The following RLN3 variants were observed in gnomAD, a reference collection of about 807,000 sequenced individuals.
RLN3 encodes relaxin 3, also known as relaxin-3.
RLN3 carries 13 observed loss-of-function variants against 10.2 expected under a neutral mutation model. The ratio of observed to expected loss-of-function variants is 1.28; its 90% CI spans 0.83 to 2.03. The LOEUF (loss-of-function observed/expected upper bound fraction) is 2.03, where lower values mean the gene tolerates loss of function less well. Among genes scored for constraint, RLN3 ranks in the 30% most tolerant of loss-of-function variants. The pLI, the probability that RLN3 is intolerant of heterozygous loss-of-function variation, is 0.00. For synonymous variants in RLN3, 56 were observed against 79.2 expected (o/e 0.71, Z 1.56); for missense variants, 191 against 187.2 (o/e 1.02, Z -0.12).
rs756438243 is a variant in RLN3, at chr19:14,028,280, C to T, written c.76C>T (p.Arg26Trp). Residue 26 changes from arginine to tryptophan, a missense_variant, in exon 1 of 2, where the codon CGG (arginine) becomes TGG (tryptophan). Arg to Trp is a moderately radical substitution (Grantham distance 101). Coordinates refer to ENST00000431365, the MANE Select transcript of RLN3 (RefSeq NM_080864.4). ...GGAGCTGTGGCCGGGAGCTGAGGCC[C>T]GGGCAGCGCCTTACGGGGTCAGGCT... ...TGELWPGAEA[R>W]AAPYGVRLCG... The T allele has an allele frequency of 6.8e-6, 11 of 1,613,542 alleles. No individual in the cohort carries two copies. The highest frequency in any genetic ancestry group is 8.5e-6 in the Non-Finnish European group (10 of 1,179,922).
chr19:14,030,460 G>T, intron 1 of RLN3: 1 of 671,788 alleles, frequency 1.5e-6, no homozygotes, highest in South Asian at 1.6e-5. Flanking sequence ...AGGAGTTTGC[G>T]ACCAGCCTGA....
chr19:14,030,320 C>A (rs1304277922), intron 1 of RLN3: 3 of 702,830 alleles, frequency 4.3e-6, no homozygotes, highest in Non-Finnish European at 7.8e-6. Context: ...TCAGTCAGCC[C>A]AGCTCCCAAA....
chr19:14,028,771 G>A (rs764501667), intron 1 of RLN3, among the ~76,000 whole-genome samples: 23 of 152,130 alleles, frequency 1.5e-4, no homozygotes, highest in Non-Finnish European at 1.6e-4. Context: ...TTTTTCTTCC[G>A]TCTCTGAGTG....
rs765995910 is a variant in RLN3, at chr19:14,028,176, C to G, written c.-29C>G. On this transcript the variant is annotated 5_prime_UTR_variant, in exon 1 of 2. Transcript: ENST00000431365. ...AAGAGGCAGCAGAGACACTGGCCCA[C>G]TCTCACGTTCAAAGCATCTCCGTCC... 1.6e-5 allele frequency: 25 copies of G among 1,522,878 alleles called. No homozygotes were observed. The South Asian group carries it at 3.2e-4, about 19-fold the overall frequency. 94.3% of individuals were successfully genotyped at this position (1,522,878 alleles called of 1,614,324 possible).
In RLN3 at chr19:14,030,909, G is replaced by T; in HGVS notation, c.390G>T (p.Lys130Asn). ...VLAGLSSSCCKWGCSKSEISS... is the reference protein window; with the variant it reads ...VLAGLSSSCCNWGCSKSEISS... ...CTGGCCTTTCCAGCAGCTGCTGCAA[G>T]TGGGGGTGTAGCAAAAGTGAAATCA... is the stretch of plus-strand genomic sequence containing the variant. Residue 130 changes from lysine to asparagine, a missense_variant, in exon 2 of 2, where the codon AAG becomes AAT. Coordinates refer to ENST00000431365, the MANE Select transcript of RLN3 (RefSeq NM_080864.4). 1 of 1,592,588 alleles carries T rather than the reference G, an allele frequency of 6.3e-7. No homozygotes were observed. Among genetic ancestry groups the T allele is most frequent in the Admixed American group, 1.7e-5 (1 of 57,246 alleles).
At chr19:14,028,811 A>C (rs967724101) in intron 1 of RLN3, among the ~76,000 whole-genome samples, 1 of 151,864 alleles carries the variant, frequency 6.6e-6, no homozygotes, top group Non-Finnish European at 1.5e-5. Flanking sequence ...GTCTCACTCC[A>C]TTGCCCAGGC....
chr19:14,030,754 G>A lies in RLN3; in HGVS notation c.235G>A (p.Gly79Ser). 1 of 1,614,238 alleles carries A rather than the reference G, an allele frequency of 6.2e-7. No homozygotes were observed. The highest frequency in any genetic ancestry group is 1.1e-5 in the South Asian group (1 of 91,088). Reference protein sequence around the residue: ...DADADEDSLAGELDEAMGSSE... With the variant: ...DADADEDSLASELDEAMGSSE... ...AGATGCTGATGAAGACAGTCTGGCA[G>A]GCGAGCTGGATGAGGCCATGGGGTC... The change falls in exon 2 of 2, where the codon GGC becomes AGC. Residue 79 changes from glycine to serine, a missense_variant. Physicochemically the swap from Gly to Ser is moderately conservative, Grantham distance 56. Transcript: ENST00000431365.
At position 14,031,103 on chromosome 19, in the gene RLN3, C is replaced by T. The variant is rs527494994; in HGVS notation, c.*155C>T. ...CACTGTGGGCTCAGGCACAGTCTCC[C>T]GACACCACCTATCCAACCCTGCCCT... On this transcript the variant is annotated 3_prime_UTR_variant, in exon 2 of 2. Transcript: ENST00000431365. The T allele has an allele frequency of 1.2e-4, 76 of 628,374 alleles. No homozygotes were observed. Among genetic ancestry groups the T allele is most frequent in the African/African-American group, 8.2e-4 (45 of 54,754 alleles). 38.9% of individuals were successfully genotyped at this position (628,374 alleles called of 1,614,324 possible). A position where few individuals can be genotyped will look rare whatever the true frequency, so the allele number is the denominator to read the frequency against.
chr19:14,031,196 C>T lies in RLN3; in HGVS notation c.*248C>T. Reference sequence around the variant, plus strand: ...CCCTGCCTGGTCAAGTGGGGACCCCCCCATCCTGACCCCTGACCTCTCCCC... The same window carrying T: ...CCCTGCCTGGTCAAGTGGGGACCCCTCCATCCTGACCCCTGACCTCTCCCC... On this transcript the variant is annotated 3_prime_UTR_variant, in exon 2 of 2. Coordinates refer to ENST00000431365, the MANE Select transcript of RLN3 (RefSeq NM_080864.4). 2 of 502,154 alleles carry T rather than the reference C, an allele frequency of 4.0e-6. No homozygotes were observed. Among genetic ancestry groups the T allele is most frequent in the South Asian group, 5.1e-5 (2 of 39,416 alleles). 31.1% of individuals were successfully genotyped at this position (502,154 alleles called of 1,614,324 possible).
intron 1 of RLN3, 107 bp downstream of exon 1, chr19:14,028,501 T>A (rs1975750864): frequency 1.0e-6 from 1 of 981,160 alleles, no homozygotes; most frequent in Non-Finnish European, 1.5e-6. Flanking sequence ...AGGGTCCCTG[T>A]CCTGCCACAT....
At chr19:14,030,196 C>T (rs1428251792) in intron 1 of RLN3, 2 of 681,054 alleles carry the variant, frequency 2.9e-6, no homozygotes, top group East Asian at 2.7e-5. Context: ...ATATTAACTC[C>T]TTATAAAACT....
At chr19:14,028,482 TGGA>T (rs1975750540) in intron 1 of RLN3, 88 bp downstream of exon 1, 2 of 1,242,506 alleles carry the variant, frequency 1.6e-6, no homozygotes, top group African/African-American at 3.0e-5. Flanking sequence ...AGGAGGTTGC[TGGA>T]GGAGGAGGGT....
In RLN3 at chr19:14,031,269, T is replaced by G. The variant is rs1975802951; in HGVS notation, c.*321T>G. ...GGCCTACACACTCCACTGCCACAAC[T>G]GGGTCCCTACTCTACCTAGGCTGGC... On this transcript the variant is annotated 3_prime_UTR_variant, in exon 2 of 2. Transcript: ENST00000431365. 3.2e-6 allele frequency: 1 copy of G among 311,772 alleles called. No individual in the cohort carries two copies. The highest frequency in any genetic ancestry group is 5.9e-6 in the Non-Finnish European group (1 of 168,246). 19.3% of individuals were successfully genotyped at this position (311,772 alleles called of 1,614,324 possible). A position where few individuals can be genotyped will look rare whatever the true frequency, so the allele number is the denominator to read the frequency against.
At position 14,030,829 on chromosome 19, in the gene RLN3, C is replaced by T. The variant is rs573387381; in HGVS notation, c.310C>T (p.Arg104Ter). The change falls in exon 2 of 2, where the codon CGA becomes TGA. Residue 104 changes from arginine to a stop codon, truncating the protein, a stop_gained. Transcript: ENST00000431365. LOFTEE classifies it low-confidence loss of function (END_TRUNC). ...GTCACCCCAGGCCTTTTACAGGGGG[C>T]GACCCAGCTGGCAAGGAACCCCTGG... is the stretch of plus-strand genomic sequence containing the variant. ...TKSPQAFYRG[R>*]PSWQGTPGVL... 7.7e-5 allele frequency: 125 copies of T among 1,613,616 alleles called. No homozygotes were observed. Among genetic ancestry groups the T allele is most frequent in the Admixed American group, 1.0e-4 (6 of 59,962 alleles).
At chr19:14,028,537 T>G in intron 1 of RLN3, 143 bp downstream of exon 1, 1 of 683,872 alleles carries the variant, frequency 1.5e-6, no homozygotes, top group Admixed American at 3.3e-5. Context: ...TGCCCAGCCT[T>G]GAAACAAGGG....
rs1332844469 is a variant in RLN3 at position 14,028,342 on chromosome 19, C to T, written c.138C>T (p.Thr46=). The change falls in exon 1 of 2, where the codon ACC becomes ACT. Residue 46 remains threonine (T), a synonymous_variant. Transcript: ENST00000431365. ...GREFIRAVIF[T]CGGSRWRRSD... Reference sequence around the variant, plus strand: ...AATTCATCCGAGCAGTCATCTTCACCTGCGGGGGCTCCCGGTGGAGACGAT... The same window carrying T: ...AATTCATCCGAGCAGTCATCTTCACTTGCGGGGGCTCCCGGTGGAGACGAT... The T allele has an allele frequency of 1.9e-6, 3 of 1,613,950 alleles. No individual in the cohort carries two copies. The highest frequency in any genetic ancestry group is 8.5e-7 in the Non-Finnish European group (1 of 1,179,962).
intron 1 of RLN3, among the ~76,000 whole-genome samples, chr19:14,028,603 G>A (rs1038298585): frequency 6.6e-6 from 1 of 152,024 alleles, no homozygotes; most frequent in African/African-American, 2.4e-5. Flanking sequence ...CCATCCATGG[G>A]GGCTGGAAGT....
In RLN3 at chr19:14,030,878, T is replaced by A. The variant is rs762669949; in HGVS notation, c.359T>A (p.Val120Asp). 1 of 1,608,094 alleles carries A rather than the reference T, an allele frequency of 6.2e-7. No individual in the cohort carries two copies. Among genetic ancestry groups the A allele is most frequent in the Non-Finnish European group, 8.5e-7 (1 of 1,175,848 alleles). ...GGGGTTCTTCGGGGCAGCCGAGATGTCCTGGCTGGCCTTTCCAGCAGCTGC... is the reference window on the plus strand; with the variant it reads ...GGGGTTCTTCGGGGCAGCCGAGATGACCTGGCTGGCCTTTCCAGCAGCTGC... ...TPGVLRGSRD[V>D]LAGLSSSCCK... The change falls in exon 2 of 2, where the codon GTC becomes GAC. Residue 120 changes from valine to aspartate, a missense_variant. Val to Asp is a radical substitution (Grantham distance 152, BLOSUM62 -3). Coordinates refer to ENST00000431365, the MANE Select transcript of RLN3 (RefSeq NM_080864.4).
chr19:14,028,408 G>T lies in RLN3; in HGVS notation c.190+14G>T. The T allele has an allele frequency of 1.9e-6, 3 of 1,600,950 alleles. No individual in the cohort carries two copies. The highest frequency in any genetic ancestry group is 2.6e-6 in the Non-Finnish European group (3 of 1,173,168). On this transcript the variant is annotated intron_variant, in intron 1 of 1. Transcript: ENST00000431365. ...ACGAGGCTATGGGTGAGGCTGGGGA[G>T]AGAGTGGATGTAGAAGGGGAACAGG...
Sources: gnomAD v4.1 joint callset for allele counts (sites outside exome capture counted in the v4.1 genomes callset) on GRCh38, gnomAD v4.1.1 for gene constraint, MANE v1.5 for transcripts, NCBI Gene and HGNC (gene_info 2026-07-23, HGNC 2026-07-21) for gene names.